The following CCDC172 variants were observed in gnomAD, a reference collection of about 807,000 sequenced individuals.
CCDC172 encodes the protein coiled-coil domain containing 172, also known as coiled-coil domain-containing protein 172.
Under a neutral mutation model 38.0 loss-of-function variants are expected in CCDC172, and 30 were observed. The observed-to-expected ratio is 0.79, with a 90% confidence interval of 0.59 to 1.07. The LOEUF is 1.07. Ranked by LOEUF, CCDC172 falls within the 50% of genes least tolerant of loss-of-function variation. CCDC172 has a pLI of 0.00. For missense variants in CCDC172, 297 were observed against 290.1 expected (o/e 1.02, Z -0.17); for synonymous variants, 78 against 88.3 (o/e 0.88, Z 0.66).
chr10:116,367,209 A>C (rs1238322413), intron 7 of CCDC172, among the ~76,000 whole-genome samples: 1 of 152,098 alleles, frequency 6.6e-6, no homozygotes, highest in Non-Finnish European at 1.5e-5. Context: ...TTCTTGGTTA[A>C]CAATATTCTA....
intron 7 of CCDC172, among the ~76,000 whole-genome samples, chr10:116,359,572 C>G (rs531238909): frequency 2.0e-5 from 3 of 152,212 alleles, no homozygotes; most frequent in South Asian, 2.1e-4. Context: ...TGCAGTAGCA[C>G]CCTGCATTCA....
chr10:116,332,548 A>G (rs907989444), intron 3 of CCDC172, among the ~76,000 whole-genome samples: 20 of 152,110 alleles, frequency 1.3e-4, no homozygotes, highest in African/African-American at 4.8e-4. Flanking sequence ...TATTGAGTCA[A>G]ACCTTTTTTT....
chr10:116,373,300 A>C (rs1393827457), intron 7 of CCDC172, among the ~76,000 whole-genome samples: 1 of 152,188 alleles, frequency 6.6e-6, no homozygotes, highest in Non-Finnish European at 1.5e-5. Context: ...ATTAGAAATG[A>C]AAATGAAGTT....
chr10:116,325,123 T>C, intron 2 of CCDC172, 33 bp downstream of exon 2: 1 of 1,604,206 alleles, frequency 6.2e-7, no homozygotes, highest in South Asian at 1.1e-5. Context: ...CATGGGGCCT[T>C]TTGTCTTCTG....
rs757110543 is a variant in CCDC172, at chr10:116,357,406, AG to A, written c.476del (p.Ser159ThrfsTer3). The A allele has an allele frequency of 1.1e-5, 17 of 1,576,534 alleles. No homozygotes were observed. Among genetic ancestry groups the A allele is most frequent in the Non-Finnish European group, 1.4e-5 (16 of 1,164,836 alleles). Reference protein sequence around the residue: ...SEMKSMEHDSSQLNELQKQKS... With the variant: ...SEMKSMEHDSXQLNELQKQKS... ...AATGAAGTCAATGGAACATGATAGTAGCCAGTTAAATGAACTTCAAAAACAA... is the reference window on the plus strand; with the variant it reads ...AATGAAGTCAATGGAACATGATAGTACCAGTTAAATGAACTTCAAAAACAA... On this transcript the variant is annotated frameshift_variant, in exon 6 of 9. Coordinates refer to ENST00000333254, the MANE Select transcript of CCDC172 (RefSeq NM_198515.3). LOFTEE classifies it high-confidence loss of function.
intron 3 of CCDC172, among the ~76,000 whole-genome samples, chr10:116,332,335 C>T (rs1037946324): frequency 2.0e-5 from 3 of 152,184 alleles, no homozygotes; most frequent in Admixed American, 2.0e-4. Flanking sequence ...GCTTTTACTG[C>T]CATATTAACC....
At chr10:116,355,837 A>T (rs1475580558) in intron 5 of CCDC172, among the ~76,000 whole-genome samples, 3 of 152,182 alleles carry the variant, frequency 2.0e-5, no homozygotes, top group Admixed American at 1.3e-4. Context: ...ATTGGGAATG[A>T]CTGCTAACAG....
rs542405058 is a variant in CCDC172, at chr10:116,332,368, T to C, written c.165+6980T>C. 5.6e-4 allele frequency among the ~76,000 whole-genome samples: 85 copies of C among 152,326 alleles called. 1 individual carries two copies. The South Asian group carries it at 0.016, about 28-fold the overall frequency. On this transcript the variant is annotated intron_variant, in intron 3 of 8. Coordinates refer to ENST00000333254, the MANE Select transcript of CCDC172 (RefSeq NM_198515.3). ...ACCATAATTCTGCACTATAAAACTC[T>C]TCAATGCCTCACGTTGTCATTCTTG... is the stretch of plus-strand genomic sequence containing the variant.
At chr10:116,340,432 A>T (rs772141410) in intron 3 of CCDC172, among the ~76,000 whole-genome samples, 1 of 151,910 alleles carries the variant, frequency 6.6e-6, no homozygotes, top group Non-Finnish European at 1.5e-5. Context: ...GTATTCAAAA[A>T]GCGTTAGTAC....
intron 3 of CCDC172, among the ~76,000 whole-genome samples, chr10:116,329,146 A>C (rs1397169938): frequency 6.6e-6 from 1 of 152,180 alleles, no homozygotes; most frequent in African/African-American, 2.4e-5. Flanking sequence ...TTTAAAGAAA[A>C]AATTTGTTTC....
chr10:116,353,603 C>G (rs995313449), intron 5 of CCDC172, among the ~76,000 whole-genome samples: 3 of 152,186 alleles, frequency 2.0e-5, no homozygotes, highest in Non-Finnish European at 2.9e-5. Context: ...TACAAAGCCA[C>G]TTCCAGTAGG....
chr10:116,375,370 C>T (rs1450777540), intron 7 of CCDC172, among the ~76,000 whole-genome samples: 1 of 151,918 alleles, frequency 6.6e-6, no homozygotes, highest in Admixed American at 6.6e-5. Context: ...TAGGTATACA[C>T]ATGCCATGGT....
intron 5 of CCDC172, among the ~76,000 whole-genome samples, chr10:116,353,834 C>A (rs1844961620): frequency 6.6e-6 from 1 of 152,030 alleles, no homozygotes; most frequent in South Asian, 2.1e-4. Flanking sequence ...AATGAGATAC[C>A]ACTAGTGTGG....
chr10:116,344,044 C>T (rs1489086234), intron 5 of CCDC172, among the ~76,000 whole-genome samples: 1 of 151,542 alleles, frequency 6.6e-6, no homozygotes, highest in Non-Finnish European at 1.5e-5. Context: ...TCCAGAACAA[C>T]CATTAAGGAA....
chr10:116,335,190 CT>C (rs1844713408), intron 3 of CCDC172, among the ~76,000 whole-genome samples: 1 of 151,930 alleles, frequency 6.6e-6, no homozygotes, highest in Admixed American at 6.6e-5. Context: ...TTTTCTAATA[CT>C]TTTATAGTGG....
chr10:116,369,984 A>G (rs1283389629), intron 7 of CCDC172, among the ~76,000 whole-genome samples: 1 of 151,834 alleles, frequency 6.6e-6, no homozygotes, highest in African/African-American at 2.4e-5. Context: ...GCCTTGAAGA[A>G]CCATTTGTAA....
At chr10:116,361,290 T>G (rs551741864) in intron 7 of CCDC172, among the ~76,000 whole-genome samples, 12 of 152,176 alleles carry the variant, frequency 7.9e-5, no homozygotes, top group African/African-American at 2.9e-4. Context: ...AACCTATTAT[T>G]TTTTGTTATT....
chr10:116,349,075 G>A (rs894848160), intron 5 of CCDC172, among the ~76,000 whole-genome samples: 10 of 152,076 alleles, frequency 6.6e-5, no homozygotes, highest in South Asian at 2.1e-4. Flanking sequence ...AAACCCTCTC[G>A]TGAACTGTGC....
intron 3 of CCDC172, among the ~76,000 whole-genome samples, chr10:116,326,801 G>A (rs1201277864): frequency 1.3e-5 from 2 of 152,090 alleles, no homozygotes; most frequent in Non-Finnish European, 1.5e-5. Context: ...AAAGAATTGA[G>A]TACTAATAGT....
Sources: allele counts gnomAD v4.1 joint callset (sites outside exome capture counted in the v4.1 genomes callset), GRCh38; gene constraint gnomAD v4.1.1; transcripts MANE v1.5; gene names NCBI Gene and HGNC (gene_info 2026-07-23, HGNC 2026-07-21).